Variants in LRRC7 observed in about 807,000 individuals in gnomAD.
LRRC7 encodes leucine rich repeat containing 7.
A neutral mutation model predicts 175.7 loss-of-function variants in LRRC7; 23 were observed. The ratio of observed to expected loss-of-function variants is 0.13; its 90% CI spans 0.09 to 0.19. LRRC7 has a LOEUF of 0.19. LRRC7 is among the 10% of genes least tolerant of loss of function. The pLI is 1.00. For missense variants in LRRC7, 1,354 were observed against 1,904.7 expected (o/e 0.71, Z 5.38); for synonymous variants, 685 against 680.9 (o/e 1.01, Z -0.09).
intron 18 of LRRC7, among the ~76,000 whole-genome samples, chr1:70,034,353 G>A (rs1659084508): frequency 6.7e-6 from 1 of 149,486 alleles, no homozygotes. Context: ...AAGAAAATAT[G>A]GCCTCTTTAA....
At chr1:70,107,522 T>C (rs997426364) in intron 25 of LRRC7, among the ~76,000 whole-genome samples, 1 of 152,334 alleles carries the variant, frequency 6.6e-6, no homozygotes. Context: ...TAAATCATAA[T>C]TGCACTTTCA....
chr1:69,885,094 C>G (rs1457471645), intron 7 of LRRC7, among the ~76,000 whole-genome samples: 1 of 99,306 alleles, frequency 1.0e-5, no homozygotes, highest in African/African-American at 3.9e-5. Flanking sequence ...GGTTGTGTCT[C>G]TGCCCGGCTT....
chr1:69,872,212 T>A (rs1570437075), intron 7 of LRRC7, among the ~76,000 whole-genome samples: 1 of 152,002 alleles, frequency 6.6e-6, no homozygotes, highest in Non-Finnish European at 1.5e-5. Flanking sequence ...TAGCATTTAA[T>A]TAGTTTGAAT....
At chr1:70,020,103 T>C (rs1420258491) in intron 15 of LRRC7, among the ~76,000 whole-genome samples, 3 of 151,978 alleles carry the variant, frequency 2.0e-5, no homozygotes, top group African/African-American at 7.2e-5. Context: ...AGGTTGGTAA[T>C]TGAAAAGTTT....
chr1:69,884,755 T>A (rs1686994771), intron 7 of LRRC7, among the ~76,000 whole-genome samples: 1 of 147,352 alleles, frequency 6.8e-6, no homozygotes, highest in South Asian at 2.2e-4. Flanking sequence ...TGTGGGTTTG[T>A]CATAGGTAGC....
At chr1:69,802,529 G>C (rs1676638979) in intron 4 of LRRC7, among the ~76,000 whole-genome samples, 1 of 151,154 alleles carries the variant, frequency 6.6e-6, no homozygotes, top group Non-Finnish European at 1.5e-5. Flanking sequence ...CATAAGTATA[G>C]CTACTCCTAC....
At chr1:69,710,661 G>GTC (rs1664652767) in intron 2 of LRRC7, among the ~76,000 whole-genome samples, 1 of 152,170 alleles carries the variant, frequency 6.6e-6, no homozygotes, top group African/African-American at 2.4e-5. Flanking sequence ...TGCTTGGAAT[G>GTC]TCTAAGGCAG....
intron 7 of LRRC7, among the ~76,000 whole-genome samples, chr1:69,889,763 T>C (rs915434264): frequency 7.9e-5 from 12 of 152,034 alleles, no homozygotes; most frequent in African/African-American, 2.7e-4. Flanking sequence ...GTCAAGACTG[T>C]GCCACTCACT....
intron 22 of LRRC7, among the ~76,000 whole-genome samples, chr1:70,044,982 A>C (rs1004543034): frequency 3.3e-5 from 5 of 152,116 alleles, no homozygotes; most frequent in Admixed American, 2.0e-4. Flanking sequence ...CTTCCCTCTT[A>C]ATAAAATGAA....
chr1:69,766,389 A>T (rs1273140666), intron 3 of LRRC7, among the ~76,000 whole-genome samples: 1 of 152,164 alleles, frequency 6.6e-6, no homozygotes, highest in Non-Finnish European at 1.5e-5. Context: ...ATCCTCTAAG[A>T]CATTTGAAAT....
chr1:69,611,416 A>G (rs1253722524), intron 1 of LRRC7, among the ~76,000 whole-genome samples: 1 of 152,080 alleles, frequency 6.6e-6, no homozygotes, highest in Non-Finnish European at 1.5e-5. Flanking sequence ...TGATAGTTGT[A>G]TTCTGAAATG....
intron 2 of LRRC7, among the ~76,000 whole-genome samples, chr1:69,713,743 A>G (rs953403691): frequency 6.6e-6 from 1 of 151,158 alleles, no homozygotes; most frequent in Non-Finnish European, 1.5e-5. Context: ...TGGAATCTGC[A>G]TGGCATCTCG....
chr1:69,797,560 C>G (rs1675936123), intron 4 of LRRC7, among the ~76,000 whole-genome samples: 1 of 152,148 alleles, frequency 6.6e-6, no homozygotes, highest in Non-Finnish European at 1.5e-5. Context: ...GTCTTCAACT[C>G]CTGCCAAATT....
chr1:69,987,239 C>T (rs140656558), intron 10 of LRRC7, among the ~76,000 whole-genome samples: 2,302 of 151,682 alleles, frequency 0.015, 55 homozygotes, highest in African/African-American at 0.051. Context: ...AGGGAGACTC[C>T]GTCTCAAAAA....
intron 23 of LRRC7, among the ~76,000 whole-genome samples, chr1:70,061,797 T>A (rs1421303830): frequency 6.6e-6 from 1 of 152,170 alleles, no homozygotes; most frequent in Non-Finnish European, 1.5e-5. Flanking sequence ...GCAACCATAC[T>A]TTCCTTGGAG....
In LRRC7 at chr1:70,038,663, T is replaced by G. The variant is rs1476287310; in HGVS notation, c.2839T>G (p.Phe947Val). 1 of 1,614,116 alleles carries G rather than the reference T, an allele frequency of 6.2e-7. No homozygotes were observed. The highest frequency in any genetic ancestry group is 1.7e-5 in the Admixed American group (1 of 60,024). The change falls in exon 21 of 27, where the codon TTT becomes GTT. Residue 947 changes from phenylalanine to valine, a missense_variant. Around this residue, in one of 4 missense-constraint regions of LRRC7, gnomAD observed 1,032 missense variants for 1,227.2 expected, o/e 0.84. Coordinates refer to ENST00000651989, the MANE Select transcript of LRRC7 (RefSeq NM_001370785.2). ...TCCCAACAGGAGTCTTAGTAATGTC[T>G]TTTCTCAAATCCACTGCCGCCCGGA... ...SNPNRSLSNV[F>V]SQIHCRPESS...
chr1:69,639,943 A>G (rs1011571798), intron 1 of LRRC7, among the ~76,000 whole-genome samples: 1 of 151,746 alleles, frequency 6.6e-6, no homozygotes, highest in African/African-American at 2.4e-5. Flanking sequence ...TGCAGTTTGA[A>G]CCATAACTGT....
chr1:69,951,191 G>A (rs1475574933), intron 8 of LRRC7, among the ~76,000 whole-genome samples: 5 of 150,572 alleles, frequency 3.3e-5, no homozygotes, highest in South Asian at 4.2e-4. Flanking sequence ...AAAAAAACCC[G>A]CAATATCACT....
At chr1:69,775,625 G>T (rs1672729009) in intron 3 of LRRC7, among the ~76,000 whole-genome samples, 1 of 152,166 alleles carries the variant, frequency 6.6e-6, no homozygotes, top group African/African-American at 2.4e-5. Flanking sequence ...ATAGACATTT[G>T]CTTTCAAAAA....
Sources: gnomAD v4.1 joint callset for allele counts (sites outside exome capture counted in the v4.1 genomes callset) on GRCh38, gnomAD v4.1.1 for gene constraint, gnomAD v4.1.1 regional missense constraint, MANE v1.5 for transcripts, NCBI Gene and HGNC (gene_info 2026-07-23, HGNC 2026-07-21) for gene names.